MYO6: variants seen among roughly 807,000 people sequenced by gnomAD.
MYO6 encodes myosin VI, also known as unconventional myosin-VI.
A neutral mutation model predicts 178.7 loss-of-function variants in MYO6; 74 were observed. The observed-to-expected ratio is 0.41, with a 90% CI of 0.34 to 0.50. MYO6 has a LOEUF of 0.50. Among genes scored for constraint, MYO6 ranks in the 20% least tolerant of loss-of-function variants. The pLI is 0.09. For missense variants in MYO6, 1,330 were observed against 1,547.4 expected (o/e 0.86, Z 2.36); for synonymous variants, 477 against 504.6 (o/e 0.95, Z 0.73).
chr6:75,784,206 C>A (rs540477972), intron 1 of MYO6, among the ~76,000 whole-genome samples: 8 of 151,938 alleles, frequency 5.3e-5, no homozygotes, highest in Non-Finnish European at 1.0e-4. Flanking sequence ...CTCCTGACAT[C>A]GTGATCCGCC....
At chr6:75,767,543 GCAGAGTCTCA>G (rs1778540609) in intron 1 of MYO6, among the ~76,000 whole-genome samples, 1 of 141,940 alleles carries the variant, frequency 7.0e-6, no homozygotes, top group Non-Finnish European at 1.5e-5. Flanking sequence ...TTTTTTTGAG[GCAGAGTCTCA>G]CTGTTGCTCA....
At chr6:75,801,552 C>G (rs769104394) in intron 1 of MYO6, among the ~76,000 whole-genome samples, 3 of 151,882 alleles carry the variant, frequency 2.0e-5, no homozygotes, top group Non-Finnish European at 2.9e-5. Flanking sequence ...AGAAAACTTG[C>G]ATTTGCATTT....
In MYO6 at chr6:75,892,684, T is replaced by C; in HGVS notation, c.3101T>C (p.Leu1034Pro). 1 of 1,612,296 alleles carries C rather than the reference T, an allele frequency of 6.2e-7. No homozygotes were observed. The highest frequency in any genetic ancestry group is 8.5e-7 in the Non-Finnish European group (1 of 1,179,968). ...GATGAGGCCCAGGCCGACCTGGCGC[T>C]GCGGAGGTACTGGGGCCCCTGGGTG... ...ISDEAQADLA[L>P]RRNDGTRPKM... Residue 1034 changes from leucine to proline, a missense_variant, in exon 28 of 35, where the codon CTG becomes CCG. Coordinates refer to ENST00000369977, the MANE Select transcript of MYO6 (RefSeq NM_004999.4).
intron 30 of MYO6, 55 bp from the exon 31 acceptor site, chr6:75,907,550 C>A: frequency 1.5e-6 from 2 of 1,366,762 alleles, no homozygotes; most frequent in South Asian, 2.3e-5. Flanking sequence ...CCTCTTTAGT[C>A]AATGTTTTCT....
chr6:75,877,891 G>A (rs1777690658), intron 20 of MYO6, among the ~76,000 whole-genome samples: 1 of 152,186 alleles, frequency 6.6e-6, no homozygotes, highest in Admixed American at 6.5e-5. Context: ...TTAATGAACT[G>A]TGAGCCAGTT....
At chr6:75,807,460 AT>A (rs201524502) in intron 1 of MYO6, among the ~76,000 whole-genome samples, 1 of 150,396 alleles carries the variant, frequency 6.6e-6, no homozygotes, top group East Asian at 2.0e-4. Flanking sequence ...ATGTGGAGGG[AT>A]TTTTTTTTCC....
At chr6:75,859,990 C>G (rs1379348028) in intron 14 of MYO6, among the ~76,000 whole-genome samples, 5 of 152,166 alleles carry the variant, frequency 3.3e-5, no homozygotes, top group African/African-American at 1.2e-4. Flanking sequence ...CTCTCTGCTT[C>G]TGCCTACTCT....
At chr6:75,799,803 A>G (rs1264731437) in intron 1 of MYO6, among the ~76,000 whole-genome samples, 1 of 151,940 alleles carries the variant, frequency 6.6e-6, no homozygotes, top group African/African-American at 2.4e-5. Context: ...GACTAACTTT[A>G]CCCATGTTAC....
At chr6:75,904,445 C>A (rs1434765795) in intron 30 of MYO6, among the ~76,000 whole-genome samples, 1 of 151,738 alleles carries the variant, frequency 6.6e-6, no homozygotes, top group Non-Finnish European at 1.5e-5. Flanking sequence ...TCTTTTTTCT[C>A]TAAACTTCCC....
At chr6:75,835,037 C>A (rs1773503271) in intron 6 of MYO6, among the ~76,000 whole-genome samples, 1 of 152,030 alleles carries the variant, frequency 6.6e-6, no homozygotes. Context: ...ATGTGCCAGG[C>A]AAATAGTTAT....
intron 23 of MYO6, among the ~76,000 whole-genome samples, chr6:75,884,329 C>T (rs1330450989): frequency 6.6e-6 from 1 of 152,194 alleles, no homozygotes; most frequent in Non-Finnish European, 1.5e-5. Context: ...GTATAGTGTA[C>T]AGCTTTTCAT....
intron 14 of MYO6, among the ~76,000 whole-genome samples, chr6:75,859,940 G>A (rs1211528758): frequency 1.3e-5 from 2 of 152,310 alleles, no homozygotes; most frequent in East Asian, 3.9e-4. Context: ...GATTACAGGC[G>A]TGAGCCATCA....
At chr6:75,757,972 C>CTTTTTTTTTTTTTT (rs71002761) in intron 1 of MYO6, among the ~76,000 whole-genome samples, 1 of 74,312 alleles carries the variant, frequency 1.3e-5, no homozygotes, top group Admixed American at 2.3e-4. Context: ...TTGAAGTTGG[C>CTTTTTTTTTTTTTT]TTTTTTTTTT....
intron 12 of MYO6, among the ~76,000 whole-genome samples, chr6:75,856,141 C>T (rs1775700479): frequency 6.6e-6 from 1 of 152,116 alleles, no homozygotes; most frequent in Non-Finnish European, 1.5e-5. Flanking sequence ...AGAGTACCAC[C>T]CTACAGCCTA....
At chr6:75,830,204 G>C (rs1386045045) in intron 4 of MYO6, among the ~76,000 whole-genome samples, 1 of 152,102 alleles carries the variant, frequency 6.6e-6, no homozygotes, top group African/African-American at 2.4e-5. Context: ...GGTGCCTATG[G>C]GTTGGTAAGA....
At chr6:75,800,545 T>C (rs919955123) in intron 1 of MYO6, among the ~76,000 whole-genome samples, 2 of 152,078 alleles carry the variant, frequency 1.3e-5, no homozygotes, top group African/African-American at 2.4e-5. Context: ...GAAATTGTCA[T>C]TTAATAAGAA....
intron 30 of MYO6, among the ~76,000 whole-genome samples, chr6:75,901,956 A>G (rs1486857727): frequency 3.9e-5 from 6 of 152,070 alleles, no homozygotes; most frequent in Non-Finnish European, 7.4e-5. Context: ...TTTTGTCAAA[A>G]GCCTTTTCTG....
Position 75,848,496 on chromosome 6 carries a change from G to A in MYO6, c.1043G>A (p.Gly348Glu), listed in dbSNP as rs1156616411. Residue 348 changes from glycine to glutamate, a missense_variant, in exon 11 of 35, where the codon GGA (glycine) becomes GAA (glutamate). Physicochemically the swap from Gly to Glu is moderately conservative, Grantham distance 98. Transcript: ENST00000369977. ...GTAGTAGCTGGCGTCCTGCACCTTG[G>A]AAATATTGATTTTGAGGAAGCTGGC... ...FRVVAGVLHLGNIDFEEAGST... is the reference protein window; with the variant it reads ...FRVVAGVLHLENIDFEEAGST... 1 of 1,613,562 alleles carries A rather than the reference G, an allele frequency of 6.2e-7. No homozygotes were observed. The highest frequency in any genetic ancestry group is 8.5e-7 in the Non-Finnish European group (1 of 1,179,738).
At chr6:75,819,045 C>A (rs1771586419) in intron 2 of MYO6, among the ~76,000 whole-genome samples, 1 of 152,006 alleles carries the variant, frequency 6.6e-6, no homozygotes, top group Admixed American at 6.6e-5. Context: ...CAATTCAGTT[C>A]AATTATAGAA....
Sources: gnomAD v4.1 joint callset for allele counts (sites outside exome capture counted in the v4.1 genomes callset) on GRCh38, gnomAD v4.1.1 for gene constraint, MANE v1.5 for transcripts, NCBI Gene and HGNC (gene_info 2026-07-23, HGNC 2026-07-21) for gene names.